Variants in CRPPA observed in about 807,000 individuals in gnomAD.
CRPPA encodes the protein D-ribitol-5-phosphate cytidylyltransferase.
CRPPA carries 43 observed loss-of-function variants against 52.0 expected under a neutral mutation model. The ratio of observed to expected loss-of-function variants is 0.83; its 90% CI spans 0.65 to 1.07. The LOEUF is 1.07. Ranked by LOEUF, CRPPA falls within the 50% of genes least tolerant of loss-of-function variation. The pLI, the probability that CRPPA is intolerant of heterozygous loss-of-function variation, is 0.00. For missense variants in CRPPA, 629 were observed against 551.7 expected (o/e 1.14, Z -1.40); for synonymous variants, 250 against 203.5 (o/e 1.23, Z -1.94).
intron 9 of CRPPA, among the ~76,000 whole-genome samples, chr7:16,125,804 C>T (rs1583374371): frequency 6.6e-6 from 1 of 151,098 alleles, no homozygotes; most frequent in African/African-American, 2.4e-5. Context: ...AGATGGTAAC[C>T]TCAGGACACA....
In CRPPA at chr7:16,406,276, T is replaced by A. The variant is rs1470565689; in HGVS notation, c.319A>T (p.Ser107Cys). ...VTGENMEVMK[S>C]IIQKYQHKRI... ...TTATGCTGATACTTCTGAATAATAC[T>A]TTTCATTACTTCCATGTTCTCTCCA... The change falls in exon 2 of 10, where the codon AGT becomes TGT. Residue 107 changes from serine to cysteine, a missense_variant. By Grantham distance (112) the Ser-to-Cys change is moderately radical. Transcript: ENST00000407010. 6 of 1,613,840 alleles carry A rather than the reference T, an allele frequency of 3.7e-6. No homozygotes were observed. In the African/African-American group the frequency reaches 4.0e-5, roughly 11 times the overall value.
At chr7:16,212,091 G>A (rs1272108768) in intron 9 of CRPPA, among the ~76,000 whole-genome samples, 1 of 151,784 alleles carries the variant, frequency 6.6e-6, no homozygotes, top group Non-Finnish European at 1.5e-5. Context: ...GAACTGCTTT[G>A]GTAACTTTCT....
At chr7:16,212,159 G>C (rs1017505316) in intron 9 of CRPPA, among the ~76,000 whole-genome samples, 53 of 152,136 alleles carry the variant, frequency 3.5e-4, no homozygotes, top group African/African-American at 1.2e-3. Context: ...TAGAATTCAG[G>C]CTAAGGGAGA....
intron 3 of CRPPA, among the ~76,000 whole-genome samples, chr7:16,349,360 G>GT (rs1786091388): frequency 6.6e-6 from 1 of 152,122 alleles, no homozygotes; most frequent in South Asian, 2.1e-4. Flanking sequence ...ACAGGCAGAT[G>GT]TTTTACCTAA....
intron 3 of CRPPA, among the ~76,000 whole-genome samples, chr7:16,328,039 C>T (rs1038392117): frequency 6.6e-6 from 1 of 152,134 alleles, no homozygotes; most frequent in African/African-American, 2.4e-5. Flanking sequence ...TTTGTTTCTC[C>T]TTTCATCATA....
intron 3 of CRPPA, among the ~76,000 whole-genome samples, chr7:16,312,650 T>C (rs1420901009): frequency 6.6e-6 from 1 of 151,964 alleles, no homozygotes; most frequent in African/African-American, 2.4e-5. Context: ...AGGAGGCACA[T>C]CCTTGCCTTG....
intron 5 of CRPPA, among the ~76,000 whole-genome samples, chr7:16,298,978 G>A (rs1784730876): frequency 6.6e-6 from 1 of 152,156 alleles, no homozygotes; most frequent in African/African-American, 2.4e-5. Context: ...GCTTTCCTGG[G>A]CCTCCAGCTT....
Position 16,098,751 on chromosome 7 carries a change from G to GA in CRPPA, c.1252-6953dup, listed in dbSNP as rs1226468477. ...TTGTAAACATTTTGCTGATATGGAAGAAAAAACCTAACGGGGGCACACTGT... is the reference window on the plus strand; with the variant it reads ...TTGTAAACATTTTGCTGATATGGAAGAAAAAAACCTAACGGGGGCACACTGT... On this transcript the variant is annotated intron_variant, in intron 9 of 9. Coordinates refer to ENST00000407010, the MANE Select transcript of CRPPA (RefSeq NM_001101426.4). 2.6e-5 allele frequency among the ~76,000 whole-genome samples: 4 copies of GA among 152,222 alleles called. No homozygotes were observed. The East Asian group carries it at 5.8e-4, about 22-fold the overall frequency.
intron 9 of CRPPA, among the ~76,000 whole-genome samples, chr7:16,189,527 A>G (rs77155215): frequency 2.8e-4 from 42 of 152,336 alleles, no homozygotes; most frequent in African/African-American, 1.0e-3. Context: ...ACATGTGAGG[A>G]AAATCTGAAT....
intron 3 of CRPPA, among the ~76,000 whole-genome samples, chr7:16,343,573 C>T (rs910806931): frequency 4.6e-5 from 7 of 152,148 alleles, no homozygotes; most frequent in African/African-American, 1.7e-4. Flanking sequence ...GCAGCATTTT[C>T]TTGGAGGCAT....
intron 4 of CRPPA, among the ~76,000 whole-genome samples, chr7:16,303,301 A>G (rs770329875): frequency 5.3e-5 from 8 of 152,034 alleles, no homozygotes; most frequent in Non-Finnish European, 1.0e-4. Flanking sequence ...TAATTTGGAT[A>G]GAAGTGCAGT....
At chr7:16,254,842 AAAGAGAAAG>A (rs1269495379) in intron 8 of CRPPA, among the ~76,000 whole-genome samples, 17 of 151,230 alleles carry the variant, frequency 1.1e-4, no homozygotes, top group African/African-American at 4.1e-4. Context: ...AGAAAGAAAG[AAAGAGAAAG>A]AAGAAAGAAA....
At chr7:16,399,718 ATGAC>A (rs1787745311) in intron 2 of CRPPA, among the ~76,000 whole-genome samples, 1 of 151,946 alleles carries the variant, frequency 6.6e-6, no homozygotes, top group African/African-American at 2.4e-5. Flanking sequence ...CATGACTGAC[ATGAC>A]TGACATATGA....
chr7:16,179,190 G>A (rs1028714079), intron 9 of CRPPA, among the ~76,000 whole-genome samples: 2 of 152,022 alleles, frequency 1.3e-5, no homozygotes, highest in Non-Finnish European at 2.9e-5. Context: ...CCTGCTCTCT[G>A]AAACTCTAGC....
chr7:16,395,191 G>A (rs553603903), intron 2 of CRPPA, among the ~76,000 whole-genome samples: 1 of 152,232 alleles, frequency 6.6e-6, no homozygotes, highest in Non-Finnish European at 1.5e-5. Flanking sequence ...CAGCCTCAGT[G>A]ATTACTTGTC....
intron 1 of CRPPA, among the ~76,000 whole-genome samples, chr7:16,409,248 T>C (rs1346947263): frequency 1.3e-5 from 2 of 152,126 alleles, no homozygotes; most frequent in Non-Finnish European, 2.9e-5. Flanking sequence ...CTCCCCCAAA[T>C]CTTCCAGAAG....
At chr7:16,210,421 T>C (rs955515915) in intron 9 of CRPPA, 3 of 152,170 alleles carry the variant, frequency 2.0e-5, no homozygotes, top group Admixed American at 6.5e-5. Flanking sequence ...GGGGATGGGA[T>C]GTCAGTCGCT....
chr7:16,138,603 G>GA (rs1491421007), intron 9 of CRPPA, among the ~76,000 whole-genome samples: 1 of 152,128 alleles, frequency 6.6e-6, no homozygotes, highest in East Asian at 1.9e-4. Flanking sequence ...TAAAAACAGG[G>GA]AAAAAATGTA....
At chr7:16,308,648 A>G (rs199662909) in intron 3 of CRPPA, 21 bp from the exon 4 acceptor site, 1 of 1,363,988 alleles carries the variant, frequency 7.3e-7, no homozygotes, top group Non-Finnish European at 1.0e-6. Context: ...AACAACAACA[A>G]CAACAATTAA....
Sources: allele counts gnomAD v4.1 joint callset (sites outside exome capture counted in the v4.1 genomes callset), GRCh38; gene constraint gnomAD v4.1.1; transcripts MANE v1.5; gene names NCBI Gene and HGNC (gene_info 2026-07-23, HGNC 2026-07-21).